CDH10: variants seen among roughly 807,000 people sequenced by gnomAD.
CDH10 encodes cadherin 10, also known as cadherin-10.
Under a neutral mutation model 73.1 loss-of-function variants are expected in CDH10, and 30 were observed. The ratio of observed to expected loss-of-function variants is 0.41; its 90% confidence interval spans 0.31 to 0.56. The LOEUF is 0.56. Ranked by LOEUF, CDH10 falls within the 20% of genes least tolerant of loss-of-function variation. CDH10 has a pLI of 0.27. For synonymous variants in CDH10, 345 were observed against 348.2 expected (o/e 0.99, Z 0.10); for missense variants, 815 against 973.7 (o/e 0.84, Z 2.17).
At chr5:24,517,161 G>GTATT (rs1243215901) in intron 5 of CDH10, among the ~76,000 whole-genome samples, 3 of 151,968 alleles carry the variant, frequency 2.0e-5, no homozygotes, top group Non-Finnish European at 4.4e-5. Context: ...TAAAATGAAA[G>GTATT]TATTTACATA....
intron 2 of CDH10, among the ~76,000 whole-genome samples, chr5:24,573,558 G>A (rs1745478478): frequency 6.6e-6 from 1 of 151,452 alleles, no homozygotes; most frequent in African/African-American, 2.4e-5. Context: ...AAAATTAGCC[G>A]AGCGTGGTGG....
In CDH10 at chr5:24,610,398, G is replaced by T. The variant is rs146611158; in HGVS notation, c.-123-16785C>A. On this transcript the variant is annotated intron_variant, in intron 1 of 11. Coordinates refer to ENST00000264463, the MANE Select transcript of CDH10 (RefSeq NM_006727.5). The stretch of plus-strand genomic sequence containing the variant: ...TACATTTAAAAATTGTATTGACTAG[G>T]ATTATCTTTATTTTTGCTTCCATTA... Among the ~76,000 whole-genome samples, 77 of 151,978 alleles carry T rather than the reference G, an allele frequency of 5.1e-4. No homozygotes were observed. In the East Asian group the frequency reaches 9.3e-3, roughly 18 times the overall value.
At chr5:24,594,199 C>T (rs1746294302) in intron 1 of CDH10, among the ~76,000 whole-genome samples, 1 of 151,862 alleles carries the variant, frequency 6.6e-6, no homozygotes, top group Non-Finnish European at 1.5e-5. Context: ...CTGGGGAACA[C>T]CTAGAGTTTC....
chr5:24,546,031 G>A (rs1461514865), intron 2 of CDH10, among the ~76,000 whole-genome samples: 3 of 152,116 alleles, frequency 2.0e-5, no homozygotes, highest in South Asian at 4.1e-4. Flanking sequence ...GAAGGAGAAG[G>A]ACTAGGCAGC....
intron 2 of CDH10, among the ~76,000 whole-genome samples, chr5:24,539,912 T>C (rs965468693): frequency 6.6e-6 from 1 of 152,070 alleles, no homozygotes; most frequent in Non-Finnish European, 1.5e-5. Flanking sequence ...TCTCTTGTTC[T>C]ATCTGAGAAT....
chr5:24,613,261 A>G (rs2112149247), intron 1 of CDH10: 1 of 152,222 alleles, frequency 6.6e-6, no homozygotes, highest in Middle Eastern at 3.4e-3. Context: ...GGTGAGTAAA[A>G]GTACCTTTTA....
intron 1 of CDH10, among the ~76,000 whole-genome samples, chr5:24,595,608 G>A (rs1042198303): frequency 6.6e-6 from 1 of 151,896 alleles, no homozygotes; most frequent in African/African-American, 2.4e-5. Context: ...GCTTTTATAT[G>A]TATTAGGATG....
At chr5:24,523,999 A>G (rs1743435080) in intron 5 of CDH10, among the ~76,000 whole-genome samples, 1 of 152,130 alleles carries the variant, frequency 6.6e-6, no homozygotes, top group African/African-American at 2.4e-5. Context: ...ACATAAGTAC[A>G]TTAATTTTTT....
chr5:24,517,140 C>A (rs1579747811), intron 5 of CDH10, among the ~76,000 whole-genome samples: 1 of 151,946 alleles, frequency 6.6e-6, no homozygotes, highest in South Asian at 2.1e-4. Context: ...AGAAAAAATT[C>A]TCTACAAGAA....
rs1748160300 is a variant in CDH10, at chr5:24,644,720, A to C, written c.-250T>G. On this transcript the variant is annotated 5_prime_UTR_variant, in exon 1 of 12. The change creates a premature stop within an existing upstream ORF in the 5' untranslated region. Transcript: ENST00000264463. ...TCTATCACTGATTCTACTTCAATCT[A>C]ACTCAAGCTCTTTCTCAGCATCACT... is the stretch of plus-strand genomic sequence containing the variant. The C allele has an allele frequency of 6.6e-6, 1 of 152,008 alleles. No individual in the cohort carries two copies. Among genetic ancestry groups the C allele is most frequent in the African/African-American group, 2.4e-5 (1 of 41,372 alleles). 9.4% of individuals were successfully genotyped at this position (152,008 alleles called of 1,614,324 possible).
In CDH10 at chr5:24,489,531, T is replaced by C. The variant is rs148494532; in HGVS notation, c.1877-1378A>G. ...TGTAAAGATTTTAAATCTCAGATTA[T>C]TTATCATCAACCAAATGACCTTGCC... On this transcript the variant is annotated intron_variant, in intron 11 of 11. Coordinates refer to ENST00000264463, the MANE Select transcript of CDH10 (RefSeq NM_006727.5). Among the ~76,000 whole-genome samples, 51 of 152,254 alleles carry C rather than the reference T, an allele frequency of 3.3e-4. No homozygotes were observed. In the Middle Eastern group the frequency reaches 0.014, roughly 41 times the overall value.
chr5:24,494,717 A>T (rs543854587), intron 9 of CDH10, among the ~76,000 whole-genome samples: 1 of 152,172 alleles, frequency 6.6e-6, no homozygotes, highest in Non-Finnish European at 1.5e-5. Context: ...AAAAATTAAC[A>T]TTAAAATCTT....
intron 2 of CDH10, among the ~76,000 whole-genome samples, chr5:24,555,991 T>C (rs1384023771): frequency 1.3e-5 from 2 of 152,120 alleles, no homozygotes; most frequent in African/African-American, 4.8e-5. Context: ...GGAGAAACCT[T>C]ATTGGATGTT....
chr5:24,554,513 T>TGCGC (rs1744691663), intron 2 of CDH10, among the ~76,000 whole-genome samples: 1 of 117,668 alleles, frequency 8.5e-6, no homozygotes, highest in Non-Finnish European at 1.7e-5. Flanking sequence ...TGTGTGTGTG[T>TGCGC]GTGTGTGCAC....
chr5:24,528,910 C>T (rs1743629421), intron 5 of CDH10, among the ~76,000 whole-genome samples: 1 of 151,910 alleles, frequency 6.6e-6, no homozygotes, highest in Admixed American at 6.6e-5. Flanking sequence ...AGTGACTTTA[C>T]ATTTACATGA....
intron 8 of CDH10, among the ~76,000 whole-genome samples, chr5:24,501,956 T>A (rs1293552194): frequency 1.3e-5 from 2 of 152,058 alleles, no homozygotes; most frequent in Non-Finnish European, 2.9e-5. Flanking sequence ...TCTCACTCTG[T>A]CGCCCTGGCT....
At chr5:24,626,547 A>T (rs1356750792) in intron 1 of CDH10, among the ~76,000 whole-genome samples, 2 of 152,116 alleles carry the variant, frequency 1.3e-5, no homozygotes, top group Non-Finnish European at 2.9e-5. Context: ...ATACAACTTG[A>T]ATCAGGTTTG....
chr5:24,636,808 CCA>C (rs1342591251), intron 1 of CDH10, among the ~76,000 whole-genome samples: 3 of 151,790 alleles, frequency 2.0e-5, no homozygotes, highest in African/African-American at 7.3e-5. Context: ...TTGCTTTATC[CCA>C]CATAGTCCCC....
chr5:24,634,555 A>G (rs1233127188), intron 1 of CDH10, among the ~76,000 whole-genome samples: 4 of 151,876 alleles, frequency 2.6e-5, no homozygotes, highest in African/African-American at 9.7e-5. Flanking sequence ...ACAGCATTTA[A>G]TCAAGATGAT....
Sources: allele counts gnomAD v4.1 joint callset (sites outside exome capture counted in the v4.1 genomes callset), GRCh38; gene constraint gnomAD v4.1.1; transcripts MANE v1.5; gene names NCBI Gene and HGNC (gene_info 2026-07-23, HGNC 2026-07-21).